ROR1: variants seen among roughly 807,000 people sequenced by gnomAD.
ROR1 encodes ROR family WNT receptor 1.
In ROR1, 19 loss-of-function variants were observed where a neutral mutation model predicts 78.8. The ratio of observed to expected loss-of-function variants is 0.24; its 90% CI spans 0.17 to 0.35. The LOEUF (loss-of-function observed/expected upper bound fraction) is 0.35, where lower values mean the gene tolerates loss of function less well. ROR1 is among the 10% of genes least tolerant of loss of function. ROR1 has a pLI of 1.00. For missense variants in ROR1, 917 were observed against 1,177.8 expected (o/e 0.78, Z 3.24); for synonymous variants, 386 against 433.6 (o/e 0.89, Z 1.36).
At chr1:63,805,598 G>A (rs1017283718) in intron 1 of ROR1, among the ~76,000 whole-genome samples, 2 of 152,112 alleles carry the variant, frequency 1.3e-5, no homozygotes, top group Admixed American at 1.3e-4. Flanking sequence ...TTTTTAAAAA[G>A]CACAAAAAGG....
At chr1:64,061,619 C>T (rs1040398228) in intron 4 of ROR1, among the ~76,000 whole-genome samples, 1 of 152,162 alleles carries the variant, frequency 6.6e-6, no homozygotes, top group Non-Finnish European at 1.5e-5. Context: ...GGTGCTGGTG[C>T]TGCTGGTTCA....
chr1:64,060,972 A>G (rs1033010690), intron 4 of ROR1, among the ~76,000 whole-genome samples: 3 of 150,608 alleles, frequency 2.0e-5, no homozygotes, highest in Non-Finnish European at 4.4e-5. Context: ...CTTTGTGTGC[A>G]GGGTACATTT....
At chr1:63,945,352 C>G (rs1043857763) in intron 1 of ROR1, among the ~76,000 whole-genome samples, 14 of 151,836 alleles carry the variant, frequency 9.2e-5, no homozygotes, top group South Asian at 4.2e-4. Flanking sequence ...GTGATTCACT[C>G]TAATATTTTT....
intron 4 of ROR1, among the ~76,000 whole-genome samples, chr1:64,087,021 T>C (rs1211171832): frequency 6.6e-6 from 1 of 152,168 alleles, no homozygotes; most frequent in Admixed American, 6.5e-5. Flanking sequence ...TACTTGAGCC[T>C]GAGCAGTGAG....
chr1:63,912,093 C>T (rs1338290749), intron 1 of ROR1, among the ~76,000 whole-genome samples: 2 of 146,902 alleles, frequency 1.4e-5, no homozygotes, highest in African/African-American at 2.5e-5. Context: ...TTGAGACCAA[C>T]CTGAGAAACA....
At chr1:64,162,266 C>T (rs986328504) in intron 8 of ROR1, among the ~76,000 whole-genome samples, 3 of 152,188 alleles carry the variant, frequency 2.0e-5, no homozygotes, top group African/African-American at 7.2e-5. Context: ...TTCCATCTCT[C>T]TTCACTTGCT....
At chr1:63,944,762 T>C (rs1020189378) in intron 1 of ROR1, among the ~76,000 whole-genome samples, 15 of 152,194 alleles carry the variant, frequency 9.9e-5, no homozygotes, top group African/African-American at 3.6e-4. Context: ...GAGACCTGGC[T>C]TCTCACCCAG....
chr1:64,069,872 G>A (rs151153348), intron 4 of ROR1, among the ~76,000 whole-genome samples: 2 of 152,144 alleles, frequency 1.3e-5, no homozygotes, highest in East Asian at 1.9e-4. Context: ...AATTTTAGCC[G>A]TTTTAAAGTG....
chr1:64,102,388 G>C (rs1192550432), intron 4 of ROR1, among the ~76,000 whole-genome samples: 1 of 151,964 alleles, frequency 6.6e-6, no homozygotes, highest in African/African-American at 2.4e-5. Context: ...ACAGTGGAAG[G>C]GTGAGACAAG....
intron 1 of ROR1, among the ~76,000 whole-genome samples, chr1:63,888,741 G>T (rs754175163): frequency 3.3e-5 from 5 of 152,026 alleles, no homozygotes; most frequent in Non-Finnish European, 7.4e-5. Flanking sequence ...AATATTAATT[G>T]ATATAATTAT....
chr1:63,836,594 A>G (rs980021373), intron 1 of ROR1, among the ~76,000 whole-genome samples: 3 of 152,186 alleles, frequency 2.0e-5, no homozygotes, highest in African/African-American at 7.2e-5. Context: ...AGGAACAGAC[A>G]CTGTAGATTT....
intron 4 of ROR1, among the ~76,000 whole-genome samples, chr1:64,099,386 T>C (rs1647428599): frequency 6.6e-6 from 1 of 152,074 alleles, no homozygotes; most frequent in East Asian, 1.9e-4. Context: ...TCAGTAAATA[T>C]GAATAGCTGC....
rs142650394 is a variant in ROR1, at chr1:63,973,257, C to T, written c.92-36048C>T. 2.2e-3 allele frequency among the ~76,000 whole-genome samples: 338 copies of T among 152,244 alleles called. 1 individual carries two copies. Among genetic ancestry groups the T allele is most frequent in the African/African-American group, 7.8e-3 (326 of 41,562 alleles). On this transcript the variant is annotated intron_variant, in intron 1 of 8. Transcript: ENST00000371079. ...CTAATTTAGCTCCTTGTCTTTATTG[C>T]GATGAATGAGGTTGAGCAGATGACA...
intron 4 of ROR1, among the ~76,000 whole-genome samples, chr1:64,081,971 A>G (rs951292401): frequency 6.6e-6 from 1 of 152,190 alleles, no homozygotes; most frequent in Non-Finnish European, 1.5e-5. Context: ...GCTGAGGTAT[A>G]CAATAATTCT....
chr1:63,790,689 A>G (rs989769710), intron 1 of ROR1, among the ~76,000 whole-genome samples: 2 of 152,116 alleles, frequency 1.3e-5, no homozygotes, highest in Non-Finnish European at 2.9e-5. Flanking sequence ...CTGGGAATAG[A>G]GGTGGTGAAT....
intron 1 of ROR1, among the ~76,000 whole-genome samples, chr1:63,890,659 A>G (rs892615206): frequency 6.6e-6 from 1 of 152,016 alleles, no homozygotes; most frequent in African/African-American, 2.4e-5. Context: ...TGCTAAAAGA[A>G]GAAGCAAGGA....
chr1:64,060,143 C>A (rs1646906018), intron 4 of ROR1, among the ~76,000 whole-genome samples: 1 of 151,934 alleles, frequency 6.6e-6, no homozygotes, highest in Non-Finnish European at 1.5e-5. Context: ...TGGTCTCCTG[C>A]AGAATCAGTC....
intron 7 of ROR1, among the ~76,000 whole-genome samples, chr1:64,148,803 A>T (rs1649543245): frequency 6.6e-6 from 1 of 152,176 alleles, no homozygotes; most frequent in Non-Finnish European, 1.5e-5. Flanking sequence ...GAAAAAAAAG[A>T]CAAAAGTTGG....
At position 63,806,123 on chromosome 1, in the gene ROR1, G is replaced by A. The variant is rs537462816; in HGVS notation, c.91+31615G>A. ...AGTTTTGGAAAAATCCTGCAACAAAGAAATCCGTTTTACTTTGTTTAGTTC... is the reference window on the plus strand; with the variant it reads ...AGTTTTGGAAAAATCCTGCAACAAAAAAATCCGTTTTACTTTGTTTAGTTC... On this transcript the variant is annotated intron_variant, in intron 1 of 8. Coordinates refer to ENST00000371079, the MANE Select transcript of ROR1 (RefSeq NM_005012.4). 2.0e-4 allele frequency among the ~76,000 whole-genome samples: 31 copies of A among 152,284 alleles called. No individual in the cohort carries two copies. In the Middle Eastern group the frequency reaches 0.01, roughly 50 times the overall value.
Sources: allele counts gnomAD v4.1 joint callset (sites outside exome capture counted in the v4.1 genomes callset), GRCh38; gene constraint gnomAD v4.1.1; transcripts MANE v1.5; gene names NCBI Gene and HGNC (gene_info 2026-07-23, HGNC 2026-07-21).